TXNDC8: variants seen among roughly 807,000 people sequenced by gnomAD.
The protein encoded by TXNDC8 is thioredoxin domain-containing protein 8.
TXNDC8 carries 15 observed loss-of-function variants against 12.9 expected under a neutral mutation model. The observed-to-expected ratio is 1.16, with a 90% CI of 0.78 to 1.79. The LOEUF (loss-of-function observed/expected upper bound fraction) is 1.79. TXNDC8 is among the 40% of genes most tolerant of loss of function. TXNDC8 has a pLI of 0.00. For synonymous variants in TXNDC8, 40 were observed against 35.4 expected (o/e 1.13, Z -0.46); for missense variants, 128 against 113.2 (o/e 1.13, Z -0.59).
chr9:110,327,331 T>TTG (rs1307266637), intron 2 of TXNDC8, among the ~76,000 whole-genome samples: 3 of 151,868 alleles, frequency 2.0e-5, no homozygotes, highest in Non-Finnish European at 4.4e-5. Flanking sequence ...TATATATTTT[T>TTG]TTTTTTTTGA....
At chr9:110,312,329 T>G (rs1169499848) in intron 3 of TXNDC8, among the ~76,000 whole-genome samples, 1 of 152,230 alleles carries the variant, frequency 6.6e-6, no homozygotes, top group Non-Finnish European at 1.5e-5. Context: ...AGGACACAAT[T>G]GGAGAAACCG....
chr9:110,313,116 G>C (rs1167364729), intron 3 of TXNDC8, among the ~76,000 whole-genome samples: 1 of 152,106 alleles, frequency 6.6e-6, no homozygotes, highest in Non-Finnish European at 1.5e-5. Context: ...ATGTTGGCCA[G>C]GCTGGTCTTG....
chr9:110,325,811 G>A (rs1460136034), intron 3 of TXNDC8, among the ~76,000 whole-genome samples: 1 of 152,060 alleles, frequency 6.6e-6, no homozygotes, highest in Non-Finnish European at 1.5e-5. Flanking sequence ...GAGCCACCGC[G>A]CCCGGCCTGC....
chr9:110,313,824 A>T (rs1838779538), intron 3 of TXNDC8, among the ~76,000 whole-genome samples: 3 of 152,094 alleles, frequency 2.0e-5, no homozygotes, highest in Admixed American at 2.0e-4. Flanking sequence ...TTTTCATAGG[A>T]TGTGAGGCTT....
intron 2 of TXNDC8, among the ~76,000 whole-genome samples, chr9:110,327,327 T>TA (rs71885386): frequency 7.8e-4 from 32 of 41,276 alleles, no homozygotes; most frequent in Non-Finnish European, 1.9e-3. Flanking sequence ...ATACTATATA[T>TA]TTTTTTTTTT....
At position 110,326,254 on chromosome 9, in the gene TXNDC8, G is replaced by T. The variant is rs566697396; in HGVS notation, c.130-14C>A. On this transcript the variant is annotated splice_polypyrimidine_tract_variant and intron_variant, in intron 2 of 4. Transcript: ENST00000423740. The stretch of plus-strand genomic sequence containing the variant: ...TTCAGCCAGCTCCTGGGAAAGCAAA[G>T]AAATGGCATGAAGTTACAGTATTGG... 2 of 1,613,896 alleles carry T rather than the reference G, an allele frequency of 1.2e-6. No individual in the cohort carries two copies. Among genetic ancestry groups the T allele is most frequent in the East Asian group, 2.2e-5 (1 of 44,856 alleles).
chr9:110,303,641 G>T lies in TXNDC8; in HGVS notation c.*41C>A, dbSNP rs930862235. The T allele has an allele frequency of 1.5e-5, 24 of 1,592,740 alleles. No individual in the cohort carries two copies. Among genetic ancestry groups the T allele is most frequent in the Non-Finnish European group, 2.1e-5 (24 of 1,167,146 alleles). Reference sequence around the variant, plus strand: ...TTGATTCAAGTGCTGCGAAAATGTTGAGGCTTTAAGGAATTTTATTCCTGA... The same window carrying T: ...TTGATTCAAGTGCTGCGAAAATGTTTAGGCTTTAAGGAATTTTATTCCTGA... On this transcript the variant is annotated 3_prime_UTR_variant, in exon 5 of 5. Transcript: ENST00000423740.
At chr9:110,329,188 C>T in intron 2 of TXNDC8, 44 bp downstream of exon 3, 1 of 1,526,482 alleles carries the variant, frequency 6.6e-7, no homozygotes, top group Non-Finnish European at 9.0e-7. Flanking sequence ...AATTACAATG[C>T]CTTTGGATTT....
At chr9:110,308,404 A>G (rs985263376) in intron 3 of TXNDC8, among the ~76,000 whole-genome samples, 2 of 152,158 alleles carry the variant, frequency 1.3e-5, no homozygotes, top group Admixed American at 1.3e-4. Context: ...TGTCTTGGCT[A>G]AAGTTAATAA....
intron 3 of TXNDC8, among the ~76,000 whole-genome samples, chr9:110,325,357 T>C (rs1839267817): frequency 6.6e-6 from 1 of 152,068 alleles, no homozygotes; most frequent in Admixed American, 6.5e-5. Flanking sequence ...ACAGATTAAA[T>C]ACACTACTCA....
intron 3 of TXNDC8, among the ~76,000 whole-genome samples, chr9:110,318,503 G>A (rs988369111): frequency 1.3e-5 from 2 of 152,130 alleles, no homozygotes; most frequent in African/African-American, 4.8e-5. Flanking sequence ...TTGGGAGGCC[G>A]AGGCAGGTGG....
At chr9:110,303,223 G>C (rs910024210), downstream of TXNDC8, among the ~76,000 whole-genome samples, 1 of 152,202 alleles carries the variant, frequency 6.6e-6, no homozygotes, top group Non-Finnish European at 1.5e-5. Context: ...GGAAAATCTT[G>C]ATGACCTGGT....
intron 3 of TXNDC8, among the ~76,000 whole-genome samples, chr9:110,318,749 A>C (rs1383053990): frequency 6.6e-6 from 1 of 152,156 alleles, no homozygotes; most frequent in African/African-American, 2.4e-5. Context: ...AAAAAAAAAA[A>C]ATTTTAAGGG....
chr9:110,306,610 A>G (rs1838477081), intron 3 of TXNDC8, among the ~76,000 whole-genome samples: 1 of 152,222 alleles, frequency 6.6e-6, no homozygotes, highest in Admixed American at 6.5e-5. Flanking sequence ...ATAAGTGCCT[A>G]CTATGAGCCA....
At chr9:110,301,624 G>A (rs1295303327), downstream of TXNDC8, among the ~76,000 whole-genome samples, 1 of 152,124 alleles carries the variant, frequency 6.6e-6, no homozygotes, top group Non-Finnish European at 1.5e-5. Context: ...CTTGAATGGA[G>A]GAGATAATAC....
chr9:110,305,604 T>TTCTTTC lies in TXNDC8; in HGVS notation c.196-1078_196-1073dup, dbSNP rs1554700872. ...TTTCTTTCTTTCTTTCTTTCTTTCT[T>TTCTTTC]TCTTTCTTTTTCTTCCTTCCTTCCT... On this transcript the variant is annotated intron_variant, in intron 3 of 4. Transcript: ENST00000423740. Among the ~76,000 whole-genome samples, 784 of 128,984 alleles carry TTCTTTC rather than the reference T, an allele frequency of 6.1e-3. 17 individuals carry two copies. Among genetic ancestry groups the TTCTTTC allele is most frequent in the African/African-American group, 0.027 (730 of 26,840 alleles). The allele number at this position is 128,984 out of a possible 152,430, so 84.6% of individuals were successfully genotyped here. A position where few individuals can be genotyped will look rare whatever the true frequency, so the allele number is the denominator to read the frequency against.
intron 3 of TXNDC8, among the ~76,000 whole-genome samples, chr9:110,312,662 G>C (rs1429491328): frequency 1.3e-5 from 2 of 152,086 alleles, no homozygotes; most frequent in African/African-American, 4.8e-5. Context: ...CAATTTAAAA[G>C]CCTATGTAAA....
intron 3 of TXNDC8, among the ~76,000 whole-genome samples, chr9:110,319,430 A>G (rs530044786): frequency 1.3e-5 from 2 of 152,340 alleles, no homozygotes; most frequent in South Asian, 2.1e-4. Context: ...AGTATTTACC[A>G]AGTCCAGTGC....
intron 1 of TXNDC8, 146 bp downstream of exon 1, chr9:110,337,627 G>C: frequency 1.4e-6 from 1 of 738,008 alleles, no homozygotes; most frequent in Non-Finnish European, 2.2e-6. Context: ...CAAGGAACAA[G>C]ATAAAGAACA....
Sources: gnomAD v4.1 joint callset for allele counts (sites outside exome capture counted in the v4.1 genomes callset) on GRCh38, gnomAD v4.1.1 for gene constraint, MANE v1.5 for transcripts, NCBI Gene and HGNC (gene_info 2026-07-23, HGNC 2026-07-21) for gene names.